The following COQ10A variants were observed in gnomAD, a reference collection of about 807,000 sequenced individuals.
COQ10A encodes the protein coenzyme Q10A.
In COQ10A, 25 loss-of-function variants were observed where a neutral mutation model predicts 26.1. That is an observed-to-expected ratio of 0.96 (90% CI 0.70 to 1.34). COQ10A has a LOEUF of 1.34. Ranked by LOEUF, COQ10A falls within the 40% of genes most tolerant of loss-of-function variation. The probability of loss-of-function intolerance (pLI) is 0.00; values close to 1 mark genes in which losing one functional copy is unlikely to be tolerated. For missense variants in COQ10A, 312 were observed against 335.4 expected (o/e 0.93, Z 0.54); for synonymous variants, 132 against 124.0 (o/e 1.06, Z -0.43).
chr12:56,269,593 G>T (rs1334497803), intron 4 of COQ10A, 32 bp downstream of exon 4: 1 of 1,436,600 alleles, frequency 7.0e-7, no homozygotes, highest in East Asian at 2.3e-5. Flanking sequence ...CAGAGGACGA[G>T]GACTGGGTAT....
At chr12:56,268,879 G>GT in intron 2 of COQ10A, 180 bp from the exon 3 acceptor site, 1 of 578,396 alleles carries the variant, frequency 1.7e-6, no homozygotes, top group Non-Finnish European at 3.1e-6. Flanking sequence ...AAAATATAAG[G>GT]TAACAGTATC....
In COQ10A at chr12:56,267,177, G is replaced by A; in HGVS notation, c.59G>A (p.Cys20Tyr). 1 of 1,366,298 alleles carries A rather than the reference G, an allele frequency of 7.3e-7. No homozygotes were observed. Among genetic ancestry groups the A allele is most frequent in the Non-Finnish European group, 9.4e-7 (1 of 1,065,520 alleles). 84.6% of individuals were successfully genotyped at this position (1,366,298 alleles called of 1,614,324 possible). ...PAGTRAAAER[C>Y]CRLSLSPGAQ... ...GGGACGCGCGCGGCAGCCGAGCGCT[G>A]CTGCCGGCTCTCGCTCAGCCCGGGC... The change falls in exon 1 of 5, where the codon TGC (cysteine) becomes TAC (tyrosine). Residue 20 changes from cysteine (C) to tyrosine (Y), a missense_variant. Physicochemically the swap from Cys to Tyr is radical, Grantham distance 194. Transcript: ENST00000308197.
At chr12:56,267,411 G>A (rs1872381432) in intron 1 of COQ10A, 159 bp downstream of exon 1, 2 of 1,613,864 alleles carry the variant, frequency 1.2e-6, no homozygotes, top group Admixed American at 3.3e-5. Flanking sequence ...TTTGCAAGTT[G>A]TACGAGAAGG....
rs1193584835 is a variant in COQ10A at position 56,266,969 on chromosome 12, G to C, written c.-150G>C. On this transcript the variant is annotated 5_prime_UTR_variant, in exon 1 of 5. Coordinates refer to ENST00000308197, the MANE Select transcript of COQ10A (RefSeq NM_144576.4). ...TTCTAGCCTACCCGGCAGCCTGGAC[G>C]GGAGCAAGGCGAGAGGTGCTGCCGC... 29 of 778,336 alleles carry C rather than the reference G, an allele frequency of 3.7e-5. No homozygotes were observed. The highest frequency in any genetic ancestry group is 4.4e-5 in the Non-Finnish European group (26 of 587,374). 48.2% of individuals were successfully genotyped at this position (778,336 alleles called of 1,614,324 possible).
chr12:56,269,516 C>T lies in COQ10A; in HGVS notation c.531C>T (p.Ser177=), dbSNP rs1166743700. 3 of 1,614,046 alleles carry T rather than the reference C, an allele frequency of 1.9e-6. No homozygotes were observed. The highest frequency in any genetic ancestry group is 2.2e-5 in the East Asian group (1 of 44,896). The part of the protein sequence containing the change: ...FNHLETIWRF[S]PGIPAYPRTC... Reference sequence around the variant, plus strand: ...ACTTAGAGACTATTTGGCGATTCAGCCCTGGTATTCCTGCCTATCCTCGAA... The same window carrying T: ...ACTTAGAGACTATTTGGCGATTCAGTCCTGGTATTCCTGCCTATCCTCGAA... Residue 177 remains serine, a synonymous_variant, in exon 4 of 5, where the codon AGC becomes AGT. Transcript: ENST00000308197.
In COQ10A at chr12:56,269,909, G is replaced by T. The variant is rs577924611; in HGVS notation, c.577-241G>T. On this transcript the variant is annotated intron_variant, in intron 4 of 4. Coordinates refer to ENST00000308197, the MANE Select transcript of COQ10A (RefSeq NM_144576.4). ...CCCAAAGTGCTGGGATTACAGGCGT[G>T]AGCCACCGCACCGACCTGACAGGGT... 124 of 553,838 alleles carry T rather than the reference G, an allele frequency of 2.2e-4. No individual in the cohort carries two copies. In the African/African-American group the frequency reaches 2.2e-3, roughly 10 times the overall value. 34.3% of individuals were successfully genotyped at this position (553,838 alleles called of 1,614,324 possible).
chr12:56,267,425 G>C (rs1358170887), intron 1 of COQ10A, 173 bp downstream of exon 1: 1 of 1,614,012 alleles, frequency 6.2e-7, no homozygotes, highest in Non-Finnish European at 8.5e-7. Context: ...GAGAAGGGAA[G>C]TTCTCGGGGT....
Position 56,270,957 on chromosome 12 carries a change from AC to A in COQ10A, c.*641del, listed in dbSNP as rs2135906464. 1 of 152,300 alleles carries A rather than the reference AC, an allele frequency of 6.6e-6. No homozygotes were observed. Among genetic ancestry groups the A allele is most frequent in the East Asian group, 1.9e-4 (1 of 5,184 alleles). 9.4% of individuals were successfully genotyped at this position (152,300 alleles called of 1,614,324 possible). A position where few individuals can be genotyped will look rare whatever the true frequency, so the allele number is the denominator to read the frequency against. Reference sequence around the variant, plus strand: ...TTTTATAAAATTTCAATAAATTGTGACAGTGTGAATTTGGCTTTATTATATT... The same window carrying A: ...TTTTATAAAATTTCAATAAATTGTGAAGTGTGAATTTGGCTTTATTATATT... On this transcript the variant is annotated 3_prime_UTR_variant, in exon 5 of 5. Coordinates refer to ENST00000308197, the MANE Select transcript of COQ10A (RefSeq NM_144576.4).
chr12:56,267,305 G>A, intron 1 of COQ10A, 53 bp downstream of exon 1: 1 of 1,599,718 alleles, frequency 6.3e-7, no homozygotes. Flanking sequence ...GAACCCCGGG[G>A]TTCCGCGGTG....
chr12:56,268,440 C>T (rs1250434056), intron 2 of COQ10A: 1 of 166,268 alleles, frequency 6.0e-6, no homozygotes, highest in Non-Finnish European at 1.3e-5. Context: ...GAGATTGCCC[C>T]ACTGCACTCC....
chr12:56,267,945 G>A lies in COQ10A; in HGVS notation c.281+5G>A. The A allele has an allele frequency of 6.2e-7, 1 of 1,613,992 alleles. No homozygotes were observed. Among genetic ancestry groups the A allele is most frequent in the Non-Finnish European group, 8.5e-7 (1 of 1,179,980 alleles). Reference sequence around the variant, plus strand: ...CTCGGAGCGTAGAATCATGGGGTAAGCATTCTCTGCCTTGCATCCTTGCAC... The same window carrying A: ...CTCGGAGCGTAGAATCATGGGGTAAACATTCTCTGCCTTGCATCCTTGCAC... On this transcript the variant is annotated splice_donor_5th_base_variant and intron_variant, in intron 2 of 4. Transcript: ENST00000308197.
At chr12:56,268,054 C>G in intron 2 of COQ10A, 114 bp downstream of exon 2, 1 of 1,316,388 alleles carries the variant, frequency 7.6e-7, no homozygotes, top group South Asian at 1.3e-5. Context: ...AGCCATCCCC[C>G]TCCCCAGCTA....
chr12:56,269,466 T>C lies in COQ10A; in HGVS notation c.481T>C (p.Cys161Arg). 6.2e-7 allele frequency: 1 copy of C among 1,613,600 alleles called. No homozygotes were observed. Among genetic ancestry groups the C allele is most frequent in the Non-Finnish European group, 8.5e-7 (1 of 1,179,464 alleles). The change falls in exon 4 of 5, where the codon TGT becomes CGT. Residue 161 changes from cysteine (C) to arginine (R), a missense_variant. By Grantham distance (180) the Cys-to-Arg change is radical. Transcript: ENST00000308197. ...MVKPHMVKAV[C>R]TDGKLFNHLE... ...CCTGATTACCCTATTCTAGGCTGTTTGTACTGATGGCAAGCTCTTCAACCA... is the reference window on the plus strand; with the variant it reads ...CCTGATTACCCTATTCTAGGCTGTTCGTACTGATGGCAAGCTCTTCAACCA...
chr12:56,267,998 C>T, intron 2 of COQ10A, 58 bp downstream of exon 2: 1 of 1,595,590 alleles, frequency 6.3e-7, no homozygotes, highest in Admixed American at 1.7e-5. Flanking sequence ...ATAACCCTGT[C>T]CAGGCAAGAA....
At chr12:56,270,068 C>T (rs760812253) in intron 4 of COQ10A, 82 bp from the exon 5 acceptor site, 2 of 1,424,084 alleles carry the variant, frequency 1.4e-6, no homozygotes, top group East Asian at 2.3e-5. Context: ...AGAAAAGGCA[C>T]TGAGGAACAG....
At position 56,270,296 on chromosome 12, in the gene COQ10A, C is replaced by T. The variant is rs1872479107; in HGVS notation, c.723C>T (p.Phe241=). ...PETAIPRELM[F]HEVHQT ...CAGCCATCCCCCGTGAACTGATGTT[C>T]CATGAGGTGCACCAGACTTGAGGCA... Residue 241 remains phenylalanine (F), a synonymous_variant, in exon 5 of 5, where the codon TTC becomes TTT. Coordinates refer to ENST00000308197, the MANE Select transcript of COQ10A (RefSeq NM_144576.4). 1 of 1,614,010 alleles carries T rather than the reference C, an allele frequency of 6.2e-7. No homozygotes were observed. The highest frequency in any genetic ancestry group is 1.3e-5 in the African/African-American group (1 of 74,922).
chr12:56,269,472 G>C lies in COQ10A; in HGVS notation c.487G>C (p.Asp163His). 1 of 1,613,796 alleles carries C rather than the reference G, an allele frequency of 6.2e-7. No individual in the cohort carries two copies. The highest frequency in any genetic ancestry group is 1.1e-5 in the South Asian group (1 of 91,072). The change falls in exon 4 of 5, where the codon GAT becomes CAT. Residue 163 changes from aspartate to histidine, a missense_variant. Coordinates refer to ENST00000308197, the MANE Select transcript of COQ10A (RefSeq NM_144576.4). ...TACCCTATTCTAGGCTGTTTGTACT[G>C]ATGGCAAGCTCTTCAACCACTTAGA... ...KPHMVKAVCT[D>H]GKLFNHLETI...
chr12:56,267,939 G>C lies in COQ10A; in HGVS notation c.280G>C (p.Gly94Arg), dbSNP rs762299057. 6.2e-7 allele frequency: 1 copy of C among 1,614,008 alleles called. No individual in the cohort carries two copies. Among genetic ancestry groups the C allele is most frequent in the South Asian group, 1.1e-5 (1 of 91,070 alleles). ...GGCTTACTCGGAGCGTAGAATCATG[G>C]GGTAAGCATTCTCTGCCTTGCATCC... ...RKAYSERRIM[G>R]YSMQEMYEVV... Residue 94 changes from glycine to arginine, a missense_variant and splice_region_variant, in exon 2 of 5, where the codon GGG (glycine) becomes CGG (arginine). Coordinates refer to ENST00000308197, the MANE Select transcript of COQ10A (RefSeq NM_144576.4).
Position 56,270,384 on chromosome 12 carries a change from T to C in COQ10A, c.*67T>C, listed in dbSNP as rs1592403388. On this transcript the variant is annotated 3_prime_UTR_variant, in exon 5 of 5. Transcript: ENST00000308197. ...CTACACAATTCTCTTATTTATTTGG[T>C]TTGGCTCCTGTTCCAATTTGAAAGG... The C allele has an allele frequency of 2.0e-6, 3 of 1,512,970 alleles. No individual in the cohort carries two copies. The East Asian group carries it at 6.9e-5, about 35-fold the overall frequency. 93.7% of individuals were successfully genotyped at this position (1,512,970 alleles called of 1,614,324 possible).
Sources: allele counts gnomAD v4.1 joint callset, GRCh38; gene constraint gnomAD v4.1.1; transcripts MANE v1.5; gene names NCBI Gene and HGNC (gene_info 2026-07-23, HGNC 2026-07-21).